HM13: variants seen among roughly 807,000 people sequenced by gnomAD.
HM13 encodes the protein histocompatibility minor 13.
A neutral mutation model predicts 50.0 loss-of-function variants in HM13; 18 were observed. The observed-to-expected ratio is 0.36, with a 90% CI of 0.25 to 0.53. The LOEUF is 0.53. Ranked by LOEUF, HM13 falls within the 20% of genes least tolerant of loss-of-function variation. The probability of loss-of-function intolerance (pLI) is 0.90; values close to 1 mark genes in which losing one functional copy is unlikely to be tolerated. For synonymous variants in HM13, 197 were observed against 232.6 expected, an observed-to-expected ratio of 0.85 and a Z score of 1.39; for missense variants, 393 against 552.4, an observed-to-expected ratio of 0.71 and a Z score of 2.89.
At chr20:31,535,176 A>G (rs931571815) in intron 2 of HM13, 3 of 152,214 alleles carry the variant, frequency 2.0e-5, no homozygotes, top group African/African-American at 7.2e-5. Flanking sequence ...GCATCTGTAA[A>G]GTAAGTTTTT....
intron 3 of HM13, chr20:31,538,680 C>T (rs1007669898): frequency 7.3e-6 from 8 of 1,089,540 alleles, no homozygotes; most frequent in South Asian, 4.4e-5. Context: ...AAGTTAGGAG[C>T]GTGGGCTCTG....
chr20:31,528,668 A>G (rs1982637318), intron 2 of HM13, among the ~76,000 whole-genome samples: 1 of 152,186 alleles, frequency 6.6e-6, no homozygotes, highest in African/African-American at 2.4e-5. Context: ...TAGTAGAGAC[A>G]GGGTTTCACT....
intron 2 of HM13, chr20:31,535,628 A>G (rs1983064293): frequency 6.6e-6 from 1 of 152,236 alleles, no homozygotes; most frequent in South Asian, 2.1e-4. Flanking sequence ...ATATGCCTAC[A>G]AAGTCTGCTC....
chr20:31,562,679 T>G (rs868202269), intron 10 of HM13: 2 of 152,134 alleles, frequency 1.3e-5, no homozygotes, highest in African/African-American at 4.8e-5. Flanking sequence ...AAAGCTGGGG[T>G]TTTTTTAATC....
At chr20:31,543,951 C>A (rs1258016912) in intron 3 of HM13, among the ~76,000 whole-genome samples, 1 of 152,046 alleles carries the variant, frequency 6.6e-6, no homozygotes, top group Non-Finnish European at 1.5e-5. Context: ...AAAAGAGTTC[C>A]CTTTTCCCTC....
chr20:31,533,420 G>A (rs1008230563), intron 2 of HM13, among the ~76,000 whole-genome samples: 3 of 152,146 alleles, frequency 2.0e-5, no homozygotes, highest in Non-Finnish European at 2.9e-5. Context: ...CAGGAGAATC[G>A]CTTGAACCCA....
At chr20:31,518,624 C>T (rs896861226) in intron 1 of HM13, among the ~76,000 whole-genome samples, 2 of 151,556 alleles carry the variant, frequency 1.3e-5, no homozygotes, top group African/African-American at 2.4e-5. Context: ...CCAGCCTGGT[C>T]GACAGAGTGA....
chr20:31,548,194 A>C (rs908383892), intron 4 of HM13: 1 of 678,264 alleles, frequency 1.5e-6, no homozygotes, highest in East Asian at 2.5e-5. Context: ...AAAACAAATC[A>C]GGGTGCTCTT....
intron 1 of HM13, among the ~76,000 whole-genome samples, chr20:31,519,080 G>C (rs1373882998): frequency 6.6e-6 from 1 of 152,006 alleles, no homozygotes. Flanking sequence ...AAATAAATAG[G>C]CATATACTTT....
At chr20:31,553,616 C>T (rs1984146170) in intron 7 of HM13, among the ~76,000 whole-genome samples, 1 of 152,026 alleles carries the variant, frequency 6.6e-6, no homozygotes, top group African/African-American at 2.4e-5. Flanking sequence ...ACAAGTCAGC[C>T]TCTAAGGCCC....
Position 31,568,220 on chromosome 20 carries a change from G to T in HM13, c.1177G>T (p.Ala393Ser), listed in dbSNP as rs142044038. The T allele has an allele frequency of 1.9e-6, 3 of 1,612,220 alleles. No individual in the cohort carries two copies. The highest frequency in any genetic ancestry group is 2.5e-6 in the Non-Finnish European group (3 of 1,179,726). ...CCGCCGGCGCCCGCAGAATCCCAGCGCCATGTAATGCCCAGCGGGTGCCCA... is the reference window on the plus strand; with the variant it reads ...CCGCCGGCGCCCGCAGAATCCCAGCTCCATGTAATGCCCAGCGGGTGCCCA... ...PRRRRPQNPSAIYEESNPKDP... is the reference protein window; with the variant it reads ...PRRRRPQNPSSIYEESNPKDP... Residue 393 changes from alanine (A) to serine (S), a missense_variant, in exon 12 of 13, where the codon GCC becomes TCC. Transcript: ENST00000398174.
At chr20:31,563,078 C>G (rs947303933) in intron 10 of HM13, 2 of 152,320 alleles carry the variant, frequency 1.3e-5, no homozygotes, top group Non-Finnish European at 2.9e-5. Context: ...CACAGGAGTC[C>G]TCTCCTTTAT....
intron 7 of HM13, among the ~76,000 whole-genome samples, chr20:31,554,437 C>T (rs1984193608): frequency 6.6e-6 from 1 of 151,836 alleles, no homozygotes; most frequent in South Asian, 2.1e-4. Flanking sequence ...AACTCCAGCA[C>T]TTTGGGAGGT....
At chr20:31,567,190 G>A (rs1184994693) in intron 11 of HM13, among the ~76,000 whole-genome samples, 1 of 152,186 alleles carries the variant, frequency 6.6e-6, no homozygotes, top group African/African-American at 2.4e-5. Flanking sequence ...TGAGGCAAGT[G>A]GGGGCTAGGG....
chr20:31,550,071 G>T lies in HM13; in HGVS notation c.674G>T (p.Gly225Val). ...CTTTTTTTCTCCTTCTAGGTATTTG[G>T]CACCAATGTGATGGTGACAGTGGCC... ...LFIYDVFWVF[G>V]TNVMVTVAKS... Residue 225 changes from glycine to valine, a missense_variant, in exon 7 of 13, where the codon GGC becomes GTC. By Grantham distance (109) the Gly-to-Val change is moderately radical (BLOSUM62 -3). Transcript: ENST00000398174. The T allele has an allele frequency of 1.9e-6, 3 of 1,612,834 alleles. No individual in the cohort carries two copies. Among genetic ancestry groups the T allele is most frequent in the Non-Finnish European group, 2.5e-6 (3 of 1,179,138 alleles).
chr20:31,552,426 A>G (rs760696465), intron 7 of HM13, among the ~76,000 whole-genome samples: 1 of 152,302 alleles, frequency 6.6e-6, no homozygotes, highest in African/African-American at 2.4e-5. Context: ...ATGCCACTCT[A>G]AGGAGCTTGG....
At chr20:31,567,763 A>C (rs1985005665) in intron 11 of HM13, 1 of 292,328 alleles carries the variant, frequency 3.4e-6, no homozygotes, top group South Asian at 6.5e-5. Context: ...TTTCTTGCAC[A>C]GACGGTGGCA....
intron 3 of HM13, among the ~76,000 whole-genome samples, chr20:31,542,977 G>A (rs1244340716): frequency 6.6e-6 from 1 of 152,184 alleles, no homozygotes; most frequent in Non-Finnish European, 1.5e-5. Context: ...TTGAGAAGCT[G>A]AGCACCAAGC....
At chr20:31,517,002 T>C (rs962516108) in intron 1 of HM13, among the ~76,000 whole-genome samples, 6 of 152,190 alleles carry the variant, frequency 3.9e-5, no homozygotes, top group Admixed American at 1.3e-4. Context: ...TGCCTAGTCC[T>C]CATCCAGGGC....
Sources: gnomAD v4.1 joint callset for allele counts (sites outside exome capture counted in the v4.1 genomes callset) on GRCh38, gnomAD v4.1.1 for gene constraint, MANE v1.5 for transcripts, NCBI Gene and HGNC (gene_info 2026-07-23, HGNC 2026-07-21) for gene names.